The following MRPS6 variants were observed in gnomAD, a reference collection of about 807,000 sequenced individuals.
MRPS6 encodes the protein mitochondrial ribosomal protein S6.
MRPS6 carries 6 observed loss-of-function variants against 13.1 expected under a neutral mutation model. The ratio of observed to expected loss-of-function variants is 0.46; its 90% CI spans 0.25 to 0.91. The LOEUF (loss-of-function observed/expected upper bound fraction) is 0.91. Ranked by LOEUF, MRPS6 falls within the 40% of genes least tolerant of loss-of-function variation. The pLI is 0.18. For missense variants in MRPS6, 164 were observed against 155.6 expected (o/e 1.05, Z -0.29); for synonymous variants, 61 against 56.5 (o/e 1.08, Z -0.36).
chr21:34,108,114 C>T (rs1979553979), intron 1 of MRPS6, among the ~76,000 whole-genome samples: 1 of 152,048 alleles, frequency 6.6e-6, no homozygotes, highest in African/African-American at 2.4e-5. Flanking sequence ...ACACGTTACT[C>T]CTGTTGATGG....
At chr21:34,139,870 GC>G (rs1359840184) in intron 2 of MRPS6, among the ~76,000 whole-genome samples, 1 of 152,074 alleles carries the variant, frequency 6.6e-6, no homozygotes, top group East Asian at 1.9e-4. Context: ...GAGCCCCAGC[GC>G]CTGACCTTGC....
At chr21:34,132,505 G>C (rs1039514730) in intron 2 of MRPS6, among the ~76,000 whole-genome samples, 1 of 152,260 alleles carries the variant, frequency 6.6e-6, no homozygotes, top group Non-Finnish European at 1.5e-5. Flanking sequence ...GAAGGCAAGA[G>C]AGGGGTTTTG....
chr21:34,137,854 A>G (rs1043151219), intron 2 of MRPS6, among the ~76,000 whole-genome samples: 1 of 151,782 alleles, frequency 6.6e-6, no homozygotes, highest in Non-Finnish European at 1.5e-5. Context: ...TGAAATGATC[A>G]TATGGTGTTT....
chr21:34,140,002 A>G (rs1980854597), intron 2 of MRPS6, among the ~76,000 whole-genome samples: 1 of 152,124 alleles, frequency 6.6e-6, no homozygotes, highest in South Asian at 2.1e-4. Context: ...CAGTCTGGCT[A>G]TAGAGGCCCT....
chr21:34,087,989 T>G (rs1978482588), intron 1 of MRPS6, among the ~76,000 whole-genome samples: 1 of 152,220 alleles, frequency 6.6e-6, no homozygotes. Flanking sequence ...GTTGCTGTTC[T>G]GAGATGGGGA....
intron 2 of MRPS6, among the ~76,000 whole-genome samples, chr21:34,138,787 C>T (rs1228246079): frequency 1.2e-4 from 18 of 152,082 alleles, no homozygotes. Flanking sequence ...GGCGATTCCT[C>T]AGGGATCTAG....
chr21:34,139,178 G>C (rs1980814811), intron 2 of MRPS6, among the ~76,000 whole-genome samples: 1 of 115,890 alleles, frequency 8.6e-6, no homozygotes, highest in Non-Finnish European at 1.7e-5. Flanking sequence ...ACACTCTGGG[G>C]ACTGTTGTGG....
rs1989511807 is a variant in MRPS6, at chr21:34,083,816, G to A, written c.45+10071G>A. 3.3e-5 allele frequency among the ~76,000 whole-genome samples: 5 copies of A among 152,304 alleles called. No individual in the cohort carries two copies. In the South Asian group the frequency reaches 8.3e-4, roughly 25 times the overall value. ...CAAATTTTGTGTGTGTAAGAAGATT[G>A]AAGAAAACATTTTTCCTAATGTCAC... is the stretch of plus-strand genomic sequence containing the variant. On this transcript the variant is annotated intron_variant, in intron 1 of 2. Transcript: ENST00000399312.
chr21:34,097,543 TAAGTG>T lies in MRPS6; in HGVS notation c.45+23802_45+23806del, dbSNP rs561451656. ...GATGGATTAAAGTAAATCTTCAACT[TAAGTG>T]AAGCCAAACCTAACAGACTGAATTG... On this transcript the variant is annotated intron_variant, in intron 1 of 2. Transcript: ENST00000399312. 247 of 1,380,100 alleles carry T rather than the reference TAAGTG, an allele frequency of 1.8e-4. No individual in the cohort carries two copies. The African/African-American group carries it at 2.1e-3, about 12-fold the overall frequency. The allele number at this position is 1,380,100 out of a possible 1,614,324, so 85.5% of individuals were successfully genotyped here.
At chr21:34,075,021 C>A (rs1045353944) in intron 1 of MRPS6, among the ~76,000 whole-genome samples, 3 of 152,224 alleles carry the variant, frequency 2.0e-5, no homozygotes, top group African/African-American at 7.2e-5. Context: ...AGTATCTGTT[C>A]AGCCTCTTGA....
At chr21:34,101,810 C>T (rs1979249074) in intron 1 of MRPS6, 3 of 998,374 alleles carry the variant, frequency 3.0e-6, no homozygotes, top group Non-Finnish European at 3.6e-6. Context: ...ATGATTTTCT[C>T]ACACTTTGTG....
chr21:34,093,245 T>TG (rs1978798758), intron 1 of MRPS6, among the ~76,000 whole-genome samples: 1 of 152,044 alleles, frequency 6.6e-6, no homozygotes, highest in African/African-American at 2.4e-5. Flanking sequence ...AAGATTTTTT[T>TG]TTTTTTTTTT....
intron 1 of MRPS6, chr21:34,105,386 TTC>T (rs1418230639): frequency 3.0e-6 from 3 of 999,400 alleles, no homozygotes; most frequent in Non-Finnish European, 3.6e-6. Flanking sequence ...AGAAAACCAA[TTC>T]TTTTTCTAAT....
chr21:34,135,397 G>T, intron 2 of MRPS6: 1 of 253,282 alleles, frequency 3.9e-6, no homozygotes, highest in South Asian at 4.0e-5. Context: ...TTACCCCAAA[G>T]GGCAGACTGG....
At position 34,073,601 on chromosome 21, in the gene MRPS6, C is replaced by G; in HGVS notation, c.-100C>G. 9.4e-7 allele frequency: 1 copy of G among 1,061,868 alleles called. No individual in the cohort carries two copies. The highest frequency in any genetic ancestry group is 1.3e-6 in the Non-Finnish European group (1 of 746,034). 65.8% of individuals were successfully genotyped at this position (1,061,868 alleles called of 1,614,324 possible). A position where few individuals can be genotyped will look rare whatever the true frequency, so the allele number is the denominator to read the frequency against. ...GTGCTTTCGCCGCCTGGGAGCCGTC[C>G]GGCGCAGCAGTTTCTAGGTCCCCAC... On this transcript the variant is annotated 5_prime_UTR_variant, in exon 1 of 3. Transcript: ENST00000399312.
chr21:34,097,736 T>C lies in MRPS6; in HGVS notation c.45+23991T>C, dbSNP rs1018746966. 3.0e-6 allele frequency: 3 copies of C among 1,006,424 alleles called. No homozygotes were observed. In the African/African-American group the frequency reaches 5.2e-5, roughly 18 times the overall value. The allele number at this position is 1,006,424 out of a possible 1,614,324, so 62.3% of individuals were successfully genotyped here. A position where few individuals can be genotyped will look rare whatever the true frequency, so the allele number is the denominator to read the frequency against. On this transcript the variant is annotated intron_variant, in intron 1 of 2. Transcript: ENST00000399312. ...ACCCTGAAGTAGAAGATTTGCTCAT[T>C]TCTAAATTTTTTTTTCTGTCTCTGT... is the stretch of plus-strand genomic sequence containing the variant.
At position 34,073,587 on chromosome 21, in the gene MRPS6, G is replaced by T. The variant is rs544204921; in HGVS notation, c.-114G>T. The stretch of plus-strand genomic sequence containing the variant: ...CGCGCTCTCGGACCGTGCTTTCGCC[G>T]CCTGGGAGCCGTCCGGCGCAGCAGT... On this transcript the variant is annotated 5_prime_UTR_variant, in exon 1 of 3. Coordinates refer to ENST00000399312, the MANE Select transcript of MRPS6 (RefSeq NM_032476.4). The T allele has an allele frequency of 1.7e-5, 15 of 908,824 alleles. No homozygotes were observed. The East Asian group carries it at 2.2e-4, about 14-fold the overall frequency. 56.3% of individuals were successfully genotyped at this position (908,824 alleles called of 1,614,324 possible).
chr21:34,100,215 A>G, intron 1 of MRPS6: 1 of 1,000,250 alleles, frequency 1.0e-6, no homozygotes. Context: ...TGTTAATGGT[A>G]TCCCCAGTTC....
intron 1 of MRPS6, chr21:34,102,587 C>CTTAACCAA: frequency 1.0e-6 from 1 of 1,000,042 alleles, no homozygotes; most frequent in Non-Finnish European, 1.2e-6. Context: ...TAGTCTGAGG[C>CTTAACCAA]TATTGACTTA....
Sources: allele counts gnomAD v4.1 joint callset (sites outside exome capture counted in the v4.1 genomes callset), GRCh38; gene constraint gnomAD v4.1.1; transcripts MANE v1.5; gene names NCBI Gene and HGNC (gene_info 2026-07-23, HGNC 2026-07-21).